LY75: variants seen among roughly 807,000 people sequenced by gnomAD.
The protein encoded by LY75 is C-type lectin domain family 13 member B.
A neutral mutation model predicts 231.7 loss-of-function variants in LY75; 185 were observed. The ratio of observed to expected loss-of-function variants is 0.80; its 90% confidence interval spans 0.71 to 0.90. The LOEUF (loss-of-function observed/expected upper bound fraction) is 0.90. Ranked by LOEUF, LY75 falls within the 40% of genes least tolerant of loss-of-function variation. The probability of loss-of-function intolerance (pLI) is 0.00; values close to 1 mark genes in which losing one functional copy is unlikely to be tolerated. For missense variants in LY75, 1,947 were observed against 2,050.2 expected, an observed-to-expected ratio of 0.95 and a Z score of 0.97; for synonymous variants, 668 against 689.0, an observed-to-expected ratio of 0.97 and a Z score of 0.48.
chr2:159,820,705 C>T (rs1187658729), intron 28 of LY75, among the ~76,000 whole-genome samples: 1 of 152,186 alleles, frequency 6.6e-6, no homozygotes, highest in African/African-American at 2.4e-5. Flanking sequence ...TTTTCTCTTA[C>T]ATATACGTTT....
rs369452762 is a variant in LY75, at chr2:159,887,566, C to CAAAAAAAAAAAAAA, written c.803-1050_803-1037dup. ...GAGCAGGACTCTGTCTCAACAACAA[C>CAAAAAAAAAAAAAA]AAAAAAAAAAAAAAAAAAGAAAAAA... On this transcript the variant is annotated intron_variant, in intron 4 of 34. Transcript: ENST00000263636. Among the ~76,000 whole-genome samples, 63 of 103,648 alleles carry CAAAAAAAAAAAAAA rather than the reference C, an allele frequency of 6.1e-4. 1 individual carries two copies. Among genetic ancestry groups the CAAAAAAAAAAAAAA allele is most frequent in the East Asian group, 9.9e-4 (4 of 4,024 alleles). 68.0% of individuals were successfully genotyped at this position (103,648 alleles called of 152,430 possible).
intron 13 of LY75, among the ~76,000 whole-genome samples, chr2:159,867,731 CACA>C (rs1684898207): frequency 6.6e-6 from 1 of 152,138 alleles, no homozygotes; most frequent in Non-Finnish European, 1.5e-5. Flanking sequence ...CTTGCCACAT[CACA>C]GGGGGTAGTG....
chr2:159,867,209 C>T (rs969434641), intron 13 of LY75, among the ~76,000 whole-genome samples: 1 of 152,124 alleles, frequency 6.6e-6, no homozygotes, highest in African/African-American at 2.4e-5. Flanking sequence ...CAGATTTCAG[C>T]TTCATTTTAA....
chr2:159,904,441 C>T, intron 1 of LY75, 148 bp downstream of exon 1: 1 of 920,264 alleles, frequency 1.1e-6, no homozygotes, highest in South Asian at 2.0e-5. Context: ...CCCTGCGACT[C>T]ACTCTTCCGG....
At chr2:159,849,899 G>A (rs1684328980) in intron 23 of LY75, 81 bp downstream of exon 23, 1 of 1,523,280 alleles carries the variant, frequency 6.6e-7, no homozygotes, top group African/African-American at 1.4e-5. Context: ...ATACAGTGGG[G>A]TTTTGCTTAG....
At chr2:159,863,388 A>G (rs991934591) in intron 14 of LY75, among the ~76,000 whole-genome samples, 6 of 152,146 alleles carry the variant, frequency 3.9e-5, no homozygotes, top group Non-Finnish European at 5.9e-5. Context: ...AGTGTTTTCA[A>G]TAATGGTTGT....
chr2:159,811,622 T>C (rs1319012438), intron 31 of LY75, among the ~76,000 whole-genome samples: 3 of 152,236 alleles, frequency 2.0e-5, no homozygotes, highest in Non-Finnish European at 4.4e-5. Flanking sequence ...TTTCTGTTTT[T>C]TTCTCCAAAT....
At chr2:159,891,645 C>T (rs1478942625) in intron 3 of LY75, among the ~76,000 whole-genome samples, 1 of 152,108 alleles carries the variant, frequency 6.6e-6, no homozygotes, top group Non-Finnish European at 1.5e-5. Context: ...CCCCAAAGCC[C>T]CAGCACACAC....
chr2:159,831,447 C>CTTA (rs1683657434), intron 28 of LY75, among the ~76,000 whole-genome samples: 1 of 152,170 alleles, frequency 6.6e-6, no homozygotes, highest in African/African-American at 2.4e-5. Context: ...AGTGCGGGAA[C>CTTA]AAACTAATTC....
At chr2:159,883,685 A>T (rs1466856876) in intron 6 of LY75, among the ~76,000 whole-genome samples, 5 of 152,108 alleles carry the variant, frequency 3.3e-5, no homozygotes, top group African/African-American at 7.2e-5. Context: ...ATCTATCATC[A>T]ATTGCTCTAG....
intron 1 of LY75, among the ~76,000 whole-genome samples, chr2:159,899,589 G>A (rs537176293): frequency 1.2e-4 from 18 of 152,292 alleles, no homozygotes; most frequent in African/African-American, 3.4e-4. Context: ...AACACAGCAT[G>A]TGCACTATAT....
chr2:159,853,516 A>G (rs1312242772), intron 19 of LY75, 114 bp downstream of exon 19: 14 of 1,527,992 alleles, frequency 9.2e-6, no homozygotes, highest in African/African-American at 1.4e-5. Flanking sequence ...TCTCTAATTT[A>G]GGCAGTTTAT....
At position 159,898,882 on chromosome 2, in the gene LY75, G is replaced by C. The variant is rs138602375; in HGVS notation, c.272C>G (p.Ser91Trp). The change falls in exon 2 of 35, where the codon TCG (serine) becomes TGG (tryptophan). Residue 91 changes from serine to tryptophan, a missense_variant. Ser to Trp is a radical substitution (Grantham distance 177). Coordinates refer to ENST00000263636, the MANE Select transcript of LY75 (RefSeq NM_002349.4). ...GCTGAACATTCTCAGCTCATTTACC[G>C]ATTTGGTAATATCGAGGCCAAGGCA... ...QKCLGLDITK[S>W]VNELRMFSCD... 1.1e-5 allele frequency: 18 copies of C among 1,614,036 alleles called. No individual in the cohort carries two copies. Among genetic ancestry groups the C allele is most frequent in the Non-Finnish European group, 1.4e-5 (16 of 1,180,046 alleles).
At chr2:159,878,819 T>C in intron 9 of LY75, 98 bp from the exon 10 acceptor site, 1 of 1,330,988 alleles carries the variant, frequency 7.5e-7, no homozygotes, top group Non-Finnish European at 1.0e-6. Context: ...TCTTAGAACT[T>C]GTGGAAATTG....
chr2:159,859,730 G>A (rs751731308), intron 15 of LY75, among the ~76,000 whole-genome samples: 9 of 152,128 alleles, frequency 5.9e-5, no homozygotes, highest in Admixed American at 1.3e-4. Flanking sequence ...GTAAGCTGGG[G>A]TAAATTACTC....
Position 159,878,423 on chromosome 2 carries a change from C to G in LY75, c.1675G>C (p.Gly559Arg), listed in dbSNP as rs779135392. 1 of 1,614,116 alleles carries G rather than the reference C, an allele frequency of 6.2e-7. No homozygotes were observed. The highest frequency in any genetic ancestry group is 8.5e-7 in the Non-Finnish European group (1 of 1,180,012). Reference protein sequence around the residue: ...DKSLRKYFWTGLRDVDSCGEY... With the variant: ...DKSLRKYFWTRLRDVDSCGEY... ...CCACAAGAATCTACATCTCTCAGGC[C>G]AGTCCAGAAGTATTTTCTTAGAGAT... Residue 559 changes from glycine (G) to arginine (R), a missense_variant, in exon 11 of 35, where the codon GGC becomes CGC. Transcript: ENST00000263636.
intron 28 of LY75, among the ~76,000 whole-genome samples, chr2:159,820,902 C>T (rs1683265026): frequency 1.3e-5 from 2 of 152,250 alleles, no homozygotes; most frequent in South Asian, 4.1e-4. Flanking sequence ...TGCAGTGGCA[C>T]GATCTCAGCT....
At chr2:159,873,157 GAAGA>G (rs1484287501) in intron 12 of LY75, among the ~76,000 whole-genome samples, 2 of 151,872 alleles carry the variant, frequency 1.3e-5, no homozygotes, top group Non-Finnish European at 2.9e-5. Flanking sequence ...AAAGAAGAAA[GAAGA>G]AAGAAGAAAA....
chr2:159,859,756 A>G (rs1251146871), intron 15 of LY75, among the ~76,000 whole-genome samples: 2 of 152,160 alleles, frequency 1.3e-5, no homozygotes, highest in East Asian at 1.9e-4. Flanking sequence ...TCAAATTTCC[A>G]TGTGAGATGA....
Sources: gnomAD v4.1 joint callset for allele counts (sites outside exome capture counted in the v4.1 genomes callset) on GRCh38, gnomAD v4.1.1 for gene constraint, MANE v1.5 for transcripts, NCBI Gene and HGNC (gene_info 2026-07-23, HGNC 2026-07-21) for gene names.